Variants in MTHFD2L observed in about 807,000 individuals in gnomAD.
The protein encoded by MTHFD2L is bifunctional methylenetetrahydrofolate dehydrogenase/cyclohydrolase 2, mitochondrial.
MTHFD2L carries 29 observed loss-of-function variants against 34.9 expected under a neutral mutation model. The observed-to-expected ratio is 0.83, with a 90% CI of 0.62 to 1.13. The LOEUF (loss-of-function observed/expected upper bound fraction) is 1.13, where lower values mean the gene tolerates loss of function less well. Among genes scored for constraint, MTHFD2L ranks in the 50% most tolerant of loss-of-function variants. MTHFD2L has a pLI of 0.00. For missense variants in MTHFD2L, 481 were observed against 446.5 expected, an observed-to-expected ratio of 1.08 and a Z score of -0.70; for synonymous variants, 167 against 155.7, an observed-to-expected ratio of 1.07 and a Z score of -0.54.
At chr4:74,247,142 T>A (rs1237877626) in intron 6 of MTHFD2L, among the ~76,000 whole-genome samples, 1 of 151,104 alleles carries the variant, frequency 6.6e-6, no homozygotes, top group Non-Finnish European at 1.5e-5. Context: ...GTTTGTATCC[T>A]CTTTTATTTC....
At chr4:74,281,673 C>A in intron 7 of MTHFD2L, 123 bp downstream of exon 7, 1 of 966,872 alleles carries the variant, frequency 1.0e-6, no homozygotes. Context: ...CCTCTTTCTT[C>A]TGAGGGAAAA....
chr4:74,161,713 G>T (rs1024285024), intron 1 of MTHFD2L: 3 of 152,078 alleles, frequency 2.0e-5, no homozygotes, highest in African/African-American at 7.2e-5. Context: ...TAATAATTTG[G>T]CAAGTTCTTT....
chr4:74,201,173 T>A (rs891251258), intron 4 of MTHFD2L, 90 bp from the exon 5 acceptor site: 1 of 869,382 alleles, frequency 1.2e-6, no homozygotes, highest in East Asian at 2.7e-5. Flanking sequence ...TAATTAGAAA[T>A]TTTTAAAAGA....
At chr4:74,149,097 C>A (rs1001152474) in intron 1 of MTHFD2L, among the ~76,000 whole-genome samples, 1 of 151,826 alleles carries the variant, frequency 6.6e-6, no homozygotes, top group East Asian at 1.9e-4. Flanking sequence ...GCAAGGAAGA[C>A]TTTGCCATGA....
In MTHFD2L at chr4:74,174,567, C is replaced by A. The variant is rs1351697114; in HGVS notation, c.205C>A (p.Arg69=). 2 of 1,604,310 alleles carry A rather than the reference C, an allele frequency of 1.2e-6. No individual in the cohort carries two copies. Among genetic ancestry groups the A allele is most frequent in the South Asian group, 2.2e-5 (2 of 89,438 alleles). Residue 69 remains arginine, a synonymous_variant, in exon 2 of 8, where the codon CGA becomes AGA. Coordinates refer to ENST00000325278, the MANE Select transcript of MTHFD2L (RefSeq NM_001144978.3). ...CAAGCATATCCAGAAAGAAATACAG[C>A]GAGGTGTGGAATCATGGGTTTCCCT... is the stretch of plus-strand genomic sequence containing the variant. ...MAKHIQKEIQ[R]GVESWVSLGN... is the part of the protein sequence containing the mutation.
At chr4:74,187,733 T>TACACACACACACACAC (rs35175417) in intron 3 of MTHFD2L, among the ~76,000 whole-genome samples, 1 of 134,224 alleles carries the variant, frequency 7.5e-6, no homozygotes, top group African/African-American at 2.9e-5. Flanking sequence ...AAACGTTAAA[T>TACACACACACACACAC]ACACACACAC....
At chr4:74,236,021 A>C (rs1315355141) in intron 6 of MTHFD2L, among the ~76,000 whole-genome samples, 1 of 152,174 alleles carries the variant, frequency 6.6e-6, no homozygotes, top group Non-Finnish European at 1.5e-5. Context: ...AAACTTCTTT[A>C]ATGTAATGTA....
intron 3 of MTHFD2L, among the ~76,000 whole-genome samples, chr4:74,180,001 TC>T (rs1369373622): frequency 7.2e-5 from 11 of 152,134 alleles, no homozygotes; most frequent in African/African-American, 2.7e-4. Flanking sequence ...TCTTTCCAGA[TC>T]ATTCAGCTTA....
rs557021997 is a variant in MTHFD2L, at chr4:74,135,230, C to T, written c.-297+9713C>T. Reference sequence around the variant, plus strand: ...GCAGCAAGAGAAAAGAAGCAAGCAGCATATAAAGGAGCTCCAAATCATCTT... The same window carrying T: ...GCAGCAAGAGAAAAGAAGCAAGCAGTATATAAAGGAGCTCCAAATCATCTT... On this transcript the variant is annotated intron_variant, in intron 1 of 7. Transcript: ENST00000433372. 1.3e-3 allele frequency among the ~76,000 whole-genome samples: 201 copies of T among 151,774 alleles called. 2 individuals are homozygous for T. Among genetic ancestry groups the T allele is most frequent in the African/African-American group, 4.6e-3 (192 of 41,432 alleles).
chr4:74,207,307 C>T (rs534784978), intron 5 of MTHFD2L, among the ~76,000 whole-genome samples: 23 of 152,160 alleles, frequency 1.5e-4, no homozygotes, highest in African/African-American at 4.3e-4. Flanking sequence ...AGTTGTATGC[C>T]GCTCCTTTGA....
intron 6 of MTHFD2L, among the ~76,000 whole-genome samples, chr4:74,234,829 G>A (rs1386996495): frequency 7.3e-6 from 1 of 137,114 alleles, no homozygotes; most frequent in Non-Finnish European, 1.6e-5. Context: ...GTTTACGTGT[G>A]TAAGAGACAC....
In MTHFD2L at chr4:74,126,959, C is replaced by T. The variant is rs1173387584; in HGVS notation, c.-297+1442C>T. Among the ~76,000 whole-genome samples the T allele has an allele frequency of 3.9e-5, 6 of 151,910 alleles. No individual in the cohort carries two copies. The East Asian group carries it at 7.7e-4, about 20-fold the overall frequency. On this transcript the variant is annotated intron_variant, in intron 1 of 7. Coordinates refer to the MTHFD2L transcript ENST00000433372. ...TAATTGAATCATGGGGGCGATTTCC[C>T]CCATGTCGTTCTCCTGATAGTGAAT... is the stretch of plus-strand genomic sequence containing the variant.
intron 3 of MTHFD2L, among the ~76,000 whole-genome samples, chr4:74,188,413 A>G (rs1731742613): frequency 6.6e-6 from 1 of 152,190 alleles, no homozygotes; most frequent in African/African-American, 2.4e-5. Flanking sequence ...TAAGGACACT[A>G]AATCATATCA....
chr4:74,163,714 G>A (rs1725963403), intron 1 of MTHFD2L, among the ~76,000 whole-genome samples: 1 of 152,090 alleles, frequency 6.6e-6, no homozygotes, highest in Non-Finnish European at 1.5e-5. Flanking sequence ...TATTCCCTAT[G>A]GAATTTTGCC....
chr4:74,149,329 C>T (rs1216868198), intron 1 of MTHFD2L, among the ~76,000 whole-genome samples: 1 of 151,794 alleles, frequency 6.6e-6, no homozygotes, highest in Non-Finnish European at 1.5e-5. Flanking sequence ...CTCCTAGATT[C>T]TGCCTAATAC....
At position 74,128,101 on chromosome 4, in the gene MTHFD2L, G is replaced by C. The variant is rs1025995381; in HGVS notation, c.-297+2584G>C. ...GTCCGTTTTAAAATCAGATTATTTT[G>C]TTTTGCGCTATTGAATTGTTGGAGC... On this transcript the variant is annotated intron_variant, in intron 1 of 7. Coordinates refer to the MTHFD2L transcript ENST00000433372. 4.6e-5 allele frequency among the ~76,000 whole-genome samples: 7 copies of C among 151,978 alleles called. No individual in the cohort carries two copies. In the East Asian group the frequency reaches 1.4e-3, roughly 29 times the overall value.
chr4:74,215,405 T>C lies in MTHFD2L; in HGVS notation c.713-9897T>C, dbSNP rs1393788963. The stretch of plus-strand genomic sequence containing the variant: ...GTAGTATCTGGGCTGGAATGCATCG[T>C]CCCTCACATCACAGTTTCTCACAGC... On this transcript the variant is annotated intron_variant, in intron 5 of 7. Transcript: ENST00000325278. Among the ~76,000 whole-genome samples, 5 of 151,868 alleles carry C rather than the reference T, an allele frequency of 3.3e-5. No individual in the cohort carries two copies. In the East Asian group the frequency reaches 9.7e-4, roughly 29 times the overall value.
chr4:74,231,431 C>T (rs1740044452), intron 6 of MTHFD2L, among the ~76,000 whole-genome samples: 1 of 152,172 alleles, frequency 6.6e-6, no homozygotes, highest in Non-Finnish European at 1.5e-5. Flanking sequence ...ACAACTTGCT[C>T]ACTTACGGCC....
intron 3 of MTHFD2L, among the ~76,000 whole-genome samples, chr4:74,179,667 C>A (rs1170331849): frequency 2.6e-5 from 4 of 151,914 alleles, no homozygotes; most frequent in African/African-American, 9.7e-5. Flanking sequence ...ATATTGGGAA[C>A]ATATAGTTTG....
Sources: allele counts gnomAD v4.1 joint callset (sites outside exome capture counted in the v4.1 genomes callset), GRCh38; gene constraint gnomAD v4.1.1; transcripts MANE v1.5; gene names NCBI Gene and HGNC (gene_info 2026-07-23, HGNC 2026-07-21).